The following NKAIN2 variants were observed in gnomAD, a reference collection of about 807,000 sequenced individuals.
NKAIN2 encodes sodium/potassium transporting ATPase interacting 2.
In NKAIN2, 14 loss-of-function variants were observed where a neutral mutation model predicts 32.6. The observed-to-expected ratio is 0.43, with a 90% CI of 0.28 to 0.67. NKAIN2 has a LOEUF of 0.67. Among genes scored for constraint, NKAIN2 ranks in the 30% least tolerant of loss-of-function variants. The probability of loss-of-function intolerance (pLI) is 0.17; values close to 1 mark genes in which losing one functional copy is unlikely to be tolerated. For synonymous variants in NKAIN2, 80 were observed against 87.2 expected (o/e 0.92, Z 0.46); for missense variants, 198 against 258.3 (o/e 0.77, Z 1.60).
chr6:124,480,221 A>G (rs1049026923), intron 3 of NKAIN2, among the ~76,000 whole-genome samples: 1 of 152,192 alleles, frequency 6.6e-6, no homozygotes, highest in Non-Finnish European at 1.5e-5. Context: ...TCTGTACAGC[A>G]CATTGAGAGG....
At chr6:124,563,782 C>T (rs558680775) in intron 3 of NKAIN2, among the ~76,000 whole-genome samples, 16 of 152,192 alleles carry the variant, frequency 1.1e-4, no homozygotes, top group Admixed American at 2.6e-4. Context: ...TGGATTCTCG[C>T]GCCTCAGCCT....
chr6:124,237,134 A>G (rs1792814066), intron 1 of NKAIN2, among the ~76,000 whole-genome samples: 1 of 152,182 alleles, frequency 6.6e-6, no homozygotes, highest in Non-Finnish European at 1.5e-5. Context: ...CTCTGACAAT[A>G]CCGACATCAG....
At chr6:124,425,218 A>G (rs1227214588) in intron 3 of NKAIN2, among the ~76,000 whole-genome samples, 1 of 152,178 alleles carries the variant, frequency 6.6e-6, no homozygotes, top group Non-Finnish European at 1.5e-5. Flanking sequence ...AACATTGAAG[A>G]AAAAGATAAG....
chr6:124,014,470 C>A (rs1582930871), intron 1 of NKAIN2, among the ~76,000 whole-genome samples: 1 of 151,988 alleles, frequency 6.6e-6, no homozygotes, highest in South Asian at 2.1e-4. Context: ...TACAAATGTC[C>A]TCAATAAGAC....
At chr6:123,874,773 G>A (rs1773090834) in intron 1 of NKAIN2, among the ~76,000 whole-genome samples, 1 of 151,792 alleles carries the variant, frequency 6.6e-6, no homozygotes, top group African/African-American at 2.4e-5. Flanking sequence ...GTAGAAAATT[G>A]AAAAAATTAT....
At chr6:124,119,021 T>C (rs1470446385) in intron 1 of NKAIN2, among the ~76,000 whole-genome samples, 1 of 152,162 alleles carries the variant, frequency 6.6e-6, no homozygotes, top group African/African-American at 2.4e-5. Context: ...ATTCATCTAG[T>C]CTGTAACTTC....
intron 3 of NKAIN2, among the ~76,000 whole-genome samples, chr6:124,367,583 G>T (rs1238349069): frequency 6.6e-6 from 1 of 152,050 alleles, no homozygotes; most frequent in Non-Finnish European, 1.5e-5. Flanking sequence ...ATAGATTATG[G>T]TTCTCTTAGA....
chr6:123,835,051 G>T (rs1333205907), intron 1 of NKAIN2, among the ~76,000 whole-genome samples: 5 of 152,052 alleles, frequency 3.3e-5, no homozygotes, highest in Non-Finnish European at 7.4e-5. Flanking sequence ...TATCTGGTTT[G>T]GGTATTAGCA....
intron 4 of NKAIN2, among the ~76,000 whole-genome samples, chr6:124,711,418 T>C (rs9491215): frequency 0.47 from 66,319 of 141,138 alleles, 15,841 homozygotes; most frequent in African/African-American, 0.55. Flanking sequence ...GAGTGTTTTC[T>C]AACTTGGTTC....
At chr6:124,321,311 G>T (rs1336262504) in intron 2 of NKAIN2, among the ~76,000 whole-genome samples, 1 of 151,904 alleles carries the variant, frequency 6.6e-6, no homozygotes, top group Admixed American at 6.6e-5. Flanking sequence ...CACACACTGG[G>T]GCCTGTCATG....
At chr6:123,925,905 T>C (rs1775982582) in intron 1 of NKAIN2, among the ~76,000 whole-genome samples, 1 of 152,224 alleles carries the variant, frequency 6.6e-6, no homozygotes, top group Admixed American at 6.5e-5. Flanking sequence ...ACAACATAAA[T>C]GAATTTAATA....
chr6:123,997,584 A>G (rs7758858), intron 1 of NKAIN2, among the ~76,000 whole-genome samples: 79,169 of 148,238 alleles, frequency 0.53, 22,568 homozygotes, highest in African/African-American at 0.72. Flanking sequence ...ATTATCACTA[A>G]CTGGAGTTTA....
intron 4 of NKAIN2, among the ~76,000 whole-genome samples, chr6:124,703,057 CT>C (rs1224159798): frequency 6.6e-6 from 1 of 152,046 alleles, no homozygotes; most frequent in African/African-American, 2.4e-5. Context: ...GGCATTACTA[CT>C]TGTTTCCATC....
chr6:124,090,723 G>C (rs943640309), intron 1 of NKAIN2, among the ~76,000 whole-genome samples: 2 of 152,006 alleles, frequency 1.3e-5, no homozygotes, highest in African/African-American at 4.8e-5. Flanking sequence ...GCCCATGTCA[G>C]GTTTTAATGA....
intron 3 of NKAIN2, among the ~76,000 whole-genome samples, chr6:124,532,957 T>C (rs9385339): frequency 0.056 from 8,492 of 152,232 alleles, 590 homozygotes; most frequent in East Asian, 0.16. Context: ...AGGAAAAAGA[T>C]AGGAGCTGGG....
At position 123,834,205 on chromosome 6, in the gene NKAIN2, C is replaced by T. The variant is rs149968718; in HGVS notation, c.54+29951C>T. 2.0e-3 allele frequency among the ~76,000 whole-genome samples: 301 copies of T among 151,926 alleles called. 1 individual carries two copies. The highest frequency in any genetic ancestry group is 5.1e-3 in the African/African-American group (211 of 41,456). On this transcript the variant is annotated intron_variant, in intron 1 of 6. Coordinates refer to ENST00000368417, the MANE Select transcript of NKAIN2 (RefSeq NM_001040214.3). ...AGTCTTGCTCTGTTGCCCAGGCTGG[C>T]GTGCAATGACGTGATCTCAGCTCAC...
At chr6:123,881,065 A>G (rs1417512365) in intron 1 of NKAIN2, among the ~76,000 whole-genome samples, 2 of 152,202 alleles carry the variant, frequency 1.3e-5, no homozygotes, top group South Asian at 2.1e-4. Context: ...TTTGTCACCT[A>G]GGCTGTTGGG....
chr6:124,803,306 C>A (rs1338446288), intron 5 of NKAIN2, among the ~76,000 whole-genome samples: 3 of 152,210 alleles, frequency 2.0e-5, no homozygotes, highest in African/African-American at 7.2e-5. Flanking sequence ...CTGAGAGGAA[C>A]AGGTAAGCTT....
At chr6:123,862,819 C>G (rs970869314) in intron 1 of NKAIN2, among the ~76,000 whole-genome samples, 1 of 152,132 alleles carries the variant, frequency 6.6e-6, no homozygotes, top group Non-Finnish European at 1.5e-5. Flanking sequence ...TGGCATATAT[C>G]TTATCTTTTT....
Sources: allele counts gnomAD v4.1 joint callset (sites outside exome capture counted in the v4.1 genomes callset), GRCh38; gene constraint gnomAD v4.1.1; transcripts MANE v1.5; gene names NCBI Gene and HGNC (gene_info 2026-07-23, HGNC 2026-07-21).